PRIMA1: variants seen among roughly 807,000 people sequenced by gnomAD.
The protein encoded by PRIMA1 is proline-rich membrane anchor 1.
A neutral mutation model predicts 17.5 loss-of-function variants in PRIMA1; 7 were observed. That is an observed-to-expected ratio of 0.40 (90% CI 0.23 to 0.75). The LOEUF is 0.75. Among genes scored for constraint, PRIMA1 ranks in the 30% least tolerant of loss-of-function variants. The probability of loss-of-function intolerance (pLI) is 0.37; values close to 1 mark genes in which losing one functional copy is unlikely to be tolerated. For synonymous variants in PRIMA1, 97 were observed against 77.9 expected, an observed-to-expected ratio of 1.25 and a Z score of -1.29; for missense variants, 200 against 201.8, an observed-to-expected ratio of 0.99 and a Z score of 0.05.
chr14:93,774,556 C>T (rs1271732934), intron 3 of PRIMA1, among the ~76,000 whole-genome samples: 1 of 152,236 alleles, frequency 6.6e-6, no homozygotes, highest in African/African-American at 2.4e-5. Flanking sequence ...CTGCCTGATC[C>T]TTGGGCTGCT....
intron 4 of PRIMA1, among the ~76,000 whole-genome samples, chr14:93,736,754 C>T (rs1271823223): frequency 6.6e-6 from 1 of 152,260 alleles, no homozygotes; most frequent in Non-Finnish European, 1.5e-5. Context: ...AAAGAGTAAA[C>T]TTAAATATTT....
intron 3 of PRIMA1, among the ~76,000 whole-genome samples, chr14:93,761,746 G>A (rs1163435386): frequency 2.6e-5 from 4 of 151,896 alleles, no homozygotes; most frequent in Non-Finnish European, 4.4e-5. Context: ...GCCCATAGTC[G>A]GTGCCCAACA....
rs554171653 is a variant in PRIMA1 at position 93,722,648 on chromosome 14, G to A, written c.360-1102C>T. 2.3e-3 allele frequency among the ~76,000 whole-genome samples: 336 copies of A among 145,536 alleles called. 4 individuals carry two copies. Among genetic ancestry groups the A allele is most frequent in the African/African-American group, 8.2e-3 (321 of 39,174 alleles). ...ATTGGTGGTGGTGATGGCAGTGGTG[G>A]TGGCGATGGTGATAGCGGTAATGAT... On this transcript the variant is annotated intron_variant, in intron 4 of 4. Transcript: ENST00000393140.
In PRIMA1 at chr14:93,743,910, G is replaced by A. The variant is rs186880136; in HGVS notation, c.230-6540C>T. ...GACTCGGTGCGCGCTGAAAGGGGGC[G>A]GGACGCTGAAAAGCACTTAGGAACG... On this transcript the variant is annotated intron_variant, in intron 3 of 4. Transcript: ENST00000393140. Among the ~76,000 whole-genome samples, 108 of 152,350 alleles carry A rather than the reference G, an allele frequency of 7.1e-4. No homozygotes were observed. In the South Asian group the frequency reaches 0.019, roughly 27 times the overall value.
chr14:93,723,500 A>G (rs1299126409), intron 4 of PRIMA1, among the ~76,000 whole-genome samples: 1 of 152,172 alleles, frequency 6.6e-6, no homozygotes, highest in Non-Finnish European at 1.5e-5. Context: ...CAGAGACTAC[A>G]CACTGAGCTC....
intron 3 of PRIMA1, among the ~76,000 whole-genome samples, chr14:93,771,324 T>C (rs1474711040): frequency 6.6e-6 from 1 of 152,156 alleles, no homozygotes; most frequent in African/African-American, 2.4e-5. Flanking sequence ...TGATGCTGGG[T>C]GACTTCTTCA....
chr14:93,751,180 G>A (rs2076257317), intron 3 of PRIMA1, among the ~76,000 whole-genome samples: 1 of 152,172 alleles, frequency 6.6e-6, no homozygotes, highest in Admixed American at 6.5e-5. Flanking sequence ...CCTTCTTCAG[G>A]GTCTGCACTA....
At chr14:93,777,987 A>G (rs12891342) in intron 3 of PRIMA1, among the ~76,000 whole-genome samples, 52,532 of 152,176 alleles carry the variant, frequency 0.35, 9,701 homozygotes, top group Non-Finnish European at 0.42. Flanking sequence ...GATCTCCAAG[A>G]GTAGGTGCAG....
intron 3 of PRIMA1, among the ~76,000 whole-genome samples, chr14:93,740,446 G>C (rs1303975880): frequency 6.6e-6 from 1 of 152,224 alleles, no homozygotes; most frequent in Non-Finnish European, 1.5e-5. Flanking sequence ...AATATAGCCA[G>C]ATCATCCAAG....
intron 4 of PRIMA1, among the ~76,000 whole-genome samples, chr14:93,735,969 G>A (rs1311826096): frequency 2.6e-5 from 4 of 152,184 alleles, no homozygotes; most frequent in Admixed American, 6.5e-5. Context: ...GATTACAGGC[G>A]TGAGCCACCA....
At chr14:93,775,667 C>A (rs562523229) in intron 3 of PRIMA1, among the ~76,000 whole-genome samples, 1 of 152,340 alleles carries the variant, frequency 6.6e-6, no homozygotes, top group South Asian at 2.1e-4. Context: ...GTGCAGGGTT[C>A]TGGGCTGAGC....
At chr14:93,721,729 A>G (rs1003327843) in intron 4 of PRIMA1, among the ~76,000 whole-genome samples, 183 bp from the exon 5 acceptor site, 3 of 152,164 alleles carry the variant, frequency 2.0e-5, no homozygotes, top group African/African-American at 7.2e-5. Context: ...GGGGTTAATC[A>G]GAAGCTGGAC....
At chr14:93,748,881 G>C (rs1163558527) in intron 3 of PRIMA1, among the ~76,000 whole-genome samples, 5 of 151,998 alleles carry the variant, frequency 3.3e-5, no homozygotes, top group Non-Finnish European at 7.4e-5. Context: ...ATTATGAATC[G>C]GGCTTATGTC....
At chr14:93,725,801 C>T in intron 4 of PRIMA1, 1 of 362,528 alleles carries the variant, frequency 2.8e-6, no homozygotes, top group Non-Finnish European at 5.5e-6. Flanking sequence ...CGGCTGGCAG[C>T]AGCCAAGGTT....
chr14:93,759,377 G>T (rs1204725258), intron 3 of PRIMA1, among the ~76,000 whole-genome samples: 1 of 152,134 alleles, frequency 6.6e-6, no homozygotes, highest in African/African-American at 2.4e-5. Flanking sequence ...ATCCTAGGGG[G>T]TGTTTCTACC....
In PRIMA1 at chr14:93,738,151, C is replaced by T. The variant is rs139885383; in HGVS notation, c.230-781G>A. Among the ~76,000 whole-genome samples the T allele has an allele frequency of 3.9e-4, 59 of 152,280 alleles. No individual in the cohort carries two copies. In the East Asian group the frequency reaches 5.4e-3, roughly 14 times the overall value. Reference sequence around the variant, plus strand: ...TGGAAAAGTGTCACTGACAAGGCACCGGACACTGGTGCTCCAGGGCCCTCT... The same window carrying T: ...TGGAAAAGTGTCACTGACAAGGCACTGGACACTGGTGCTCCAGGGCCCTCT... On this transcript the variant is annotated intron_variant, in intron 3 of 4. Coordinates refer to ENST00000393140, the MANE Select transcript of PRIMA1 (RefSeq NM_178013.4).
At position 93,744,456 on chromosome 14, in the gene PRIMA1, G is replaced by C. The variant is rs114484689; in HGVS notation, c.230-7086C>G. ...CTATGGCGGCTGGGGGAGGTCTGGA[G>C]AGCCAGCCTGGGTGCGGGGCTGCTC... On this transcript the variant is annotated intron_variant, in intron 3 of 4. Coordinates refer to ENST00000393140, the MANE Select transcript of PRIMA1 (RefSeq NM_178013.4). Among the ~76,000 whole-genome samples, 915 of 152,360 alleles carry C rather than the reference G, an allele frequency of 6.0e-3. 7 individuals carry two copies. The highest frequency in any genetic ancestry group is 0.021 in the African/African-American group (882 of 41,592).
In PRIMA1 at chr14:93,753,387, C is replaced by A. The variant is rs4905085; in HGVS notation, c.230-16017G>T. 6.6e-5 allele frequency among the ~76,000 whole-genome samples: 10 copies of A among 152,056 alleles called. 1 individual carries two copies. The South Asian group carries it at 2.1e-3, about 32-fold the overall frequency. On this transcript the variant is annotated intron_variant, in intron 3 of 4. Coordinates refer to ENST00000393140, the MANE Select transcript of PRIMA1 (RefSeq NM_178013.4). Reference sequence around the variant, plus strand: ...AGAGACAATGGGCCTTTGCCACCCACGGTCCAGTTCATTCTAAATCTGAGA... The same window carrying A: ...AGAGACAATGGGCCTTTGCCACCCAAGGTCCAGTTCATTCTAAATCTGAGA...
chr14:93,730,486 C>T (rs1384061650), intron 4 of PRIMA1, among the ~76,000 whole-genome samples: 2 of 152,108 alleles, frequency 1.3e-5, no homozygotes, highest in East Asian at 1.9e-4. Context: ...TGGGAGTGCT[C>T]GATGAGCCAG....
Sources: allele counts gnomAD v4.1 joint callset (sites outside exome capture counted in the v4.1 genomes callset), GRCh38; gene constraint gnomAD v4.1.1; transcripts MANE v1.5; gene names NCBI Gene and HGNC (gene_info 2026-07-23, HGNC 2026-07-21).